MGAM: variants seen among roughly 807,000 people sequenced by gnomAD.
MGAM encodes maltase-glucoamylase, also known as alpha-1,4-glucosidase.
In MGAM, 253 loss-of-function variants were observed where a neutral mutation model predicts 358.8. That is an observed-to-expected ratio of 0.71 (90% confidence interval 0.64 to 0.78). The LOEUF is 0.78. MGAM is among the 30% of genes least tolerant of loss of function. MGAM has a pLI of 0.00. For missense variants in MGAM, 3,080 were observed against 3,432.6 expected (o/e 0.90, Z 2.57); for synonymous variants, 1,105 against 1,227.1 (o/e 0.90, Z 2.08).
Position 142,036,218 on chromosome 7 carries a change from G to A in MGAM, c.2009G>A (p.Cys670Tyr), listed in dbSNP as rs1444380400. 6.2e-7 allele frequency: 1 copy of A among 1,612,570 alleles called. No homozygotes were observed. ...GCTTTGGACACCCCTGAGGAGCTCT[G>A]TAGGCGGTGGATGCAGTTGGGTGCA... ...GFALDTPEELCRRWMQLGAFY... is the reference protein window; with the variant it reads ...GFALDTPEELYRRWMQLGAFY... Residue 670 changes from cysteine (C) to tyrosine (Y), a missense_variant, in exon 17 of 71, where the codon TGT (cysteine) becomes TAT (tyrosine). Coordinates refer to ENST00000475668, the MANE Select transcript of MGAM (RefSeq NM_001365693.1).
In MGAM at chr7:142,094,622, A is replaced by G; in HGVS notation, c.7309A>G (p.Met2437Val). The G allele has an allele frequency of 6.2e-7, 1 of 1,610,130 alleles. No individual in the cohort carries two copies. ...WDQLKKSIIGMMEFSLFGISY... is the reference protein window; with the variant it reads ...WDQLKKSIIGVMEFSLFGISY... ...CACAGCTGTGCTTCTCGTTGCAGGCATGATGGAGTTCAGCCTCTTCGGCAT... is the reference window on the plus strand; with the variant it reads ...CACAGCTGTGCTTCTCGTTGCAGGCGTGATGGAGTTCAGCCTCTTCGGCAT... The change falls in exon 62 of 71, where the codon ATG becomes GTG. Residue 2437 changes from methionine (M) to valine (V), a missense_variant and splice_region_variant. Met to Val is a conservative substitution (Grantham distance 21, BLOSUM62 1). Coordinates refer to ENST00000475668, the MANE Select transcript of MGAM (RefSeq NM_001365693.1).
rs374078813 is a variant in MGAM at position 142,083,336 on chromosome 7, C to T, written c.6304C>T (p.Arg2102Cys). The T allele has an allele frequency of 3.7e-5, 58 of 1,553,812 alleles. 7 individuals are homozygous for T. In the East Asian group the frequency reaches 5.5e-4, roughly 15 times the overall value. ...CCAGCCCCTGCCTGCCTTGACATAC[C>T]GTACCACAGGGGGAGTTCTGGACTT... ...TFQPLPALTY[R>C]TTGGVLDFYV... The change falls in exon 53 of 71, where the codon CGT becomes TGT. Residue 2102 changes from arginine (R) to cysteine (C), a missense_variant. By Grantham distance (180) the Arg-to-Cys change is radical (BLOSUM62 -3). This residue lies in a region of MGAM where 932 missense variants were observed against 1,198.2 expected (regional missense o/e 0.78). Coordinates refer to ENST00000475668, the MANE Select transcript of MGAM (RefSeq NM_001365693.1).
chr7:142,030,196 G>T, intron 10 of MGAM, 166 bp from the exon 11 acceptor site: 82 of 733,296 alleles, frequency 1.1e-4, no homozygotes, highest in African/African-American at 1.3e-4. Flanking sequence ...GTGTGTTTTT[G>T]AAATCAACAT....
Position 142,084,290 on chromosome 7 carries a change from C to G in MGAM, c.6382-229C>G, listed in dbSNP as rs1241126568. Among the ~76,000 whole-genome samples the G allele has an allele frequency of 2.7e-5, 4 of 145,894 alleles. 1 individual carries two copies. Among genetic ancestry groups the G allele is most frequent in the Non-Finnish European group, 6.2e-5 (4 of 64,496 alleles). On this transcript the variant is annotated intron_variant, in intron 53 of 70. Coordinates refer to ENST00000475668, the MANE Select transcript of MGAM (RefSeq NM_001365693.1). ...TCTTAACCAGTTACCTACAGTGTCT[C>G]TAGGAATGGAGTGAAATCAGCTTTT...
At position 142,021,050 on chromosome 7, in the gene MGAM, A is replaced by G; in HGVS notation, c.525A>G (p.Ala175=). ...GSNVDNVLLT[A]EYQTSNRFHF... The stretch of plus-strand genomic sequence containing the variant: ...ATGTTGACAATGTTCTTCTCACAGC[A>G]GAATATCAGACATCTAATCGTTTCC... The change falls in exon 5 of 71, where the codon GCA becomes GCG. Residue 175 remains alanine, a synonymous_variant. Coordinates refer to ENST00000475668, the MANE Select transcript of MGAM (RefSeq NM_001365693.1). The G allele has an allele frequency of 6.2e-7, 1 of 1,612,638 alleles. No homozygotes were observed.
intron 21 of MGAM, among the ~76,000 whole-genome samples, chr7:142,044,611 GATATATA>G (rs1473011094): frequency 2.8e-4 from 33 of 119,816 alleles, no homozygotes; most frequent in African/African-American, 8.9e-4. Context: ...TGTAATATAT[GATATATA>G]ATGTATATTA....
chr7:142,027,509 T>C, intron 9 of MGAM, 101 bp from the exon 10 acceptor site: 1 of 1,290,608 alleles, frequency 7.7e-7, no homozygotes, highest in Non-Finnish European at 1.1e-6. Flanking sequence ...AATCAGTGCA[T>C]TGGGAAATGG....
In MGAM at chr7:142,040,602, C is replaced by A. The variant is rs1358535765; in HGVS notation, c.2374-120C>A. 3.1e-6 allele frequency: 4 copies of A among 1,302,066 alleles called. No individual in the cohort carries two copies. In the South Asian group the frequency reaches 5.6e-5, roughly 18 times the overall value. 80.7% of individuals were successfully genotyped at this position (1,302,066 alleles called of 1,614,324 possible). A position where few individuals can be genotyped will look rare whatever the true frequency, so the allele number is the denominator to read the frequency against. ...TTCCTTCTGTTGTTTGATTGCCTGG[C>A]TAGACCATAATTCAGCTAATTGGAA... On this transcript the variant is annotated intron_variant, in intron 20 of 70. Transcript: ENST00000475668.
upstream of MGAM, among the ~76,000 whole-genome samples, chr7:141,992,342 G>A (rs1353019826): frequency 6.6e-6 from 1 of 152,138 alleles, no homozygotes; most frequent in Non-Finnish European, 1.5e-5. Flanking sequence ...GCCCTGTTCG[G>A]ATCTGGAACT....
intron 14 of MGAM, 83 bp downstream of exon 14, chr7:142,032,992 C>A: frequency 1.0e-5 from 9 of 892,208 alleles, no homozygotes; most frequent in South Asian, 2.1e-5. Flanking sequence ...AAAAATCTGG[C>A]AAGGGAATTT....
rs769794141 is a variant in MGAM at position 142,050,788 on chromosome 7, C to T, written c.2729C>T (p.Pro910Leu). Residue 910 changes from proline to leucine, a missense_variant, in exon 24 of 71, where the codon CCT (proline) becomes CTT (leucine). This residue lies in a region of MGAM where 1,816 missense variants were observed against 1,840.5 expected (regional missense o/e 0.99). Transcript: ENST00000475668. Reference sequence around the variant, plus strand: ...ATTAAAATTCTTGGGACGGAGGAACCTAGCAATGTTACAGTGAAACACAAT... The same window carrying T: ...ATTAAAATTCTTGGGACGGAGGAACTTAGCAATGTTACAGTGAAACACAAT... Reference protein sequence around the residue: ...NEIKILGTEEPSNVTVKHNGV... With the variant: ...NEIKILGTEELSNVTVKHNGV... 1.9e-6 allele frequency: 3 copies of T among 1,613,800 alleles called. No individual in the cohort carries two copies. The highest frequency in any genetic ancestry group is 1.7e-6 in the Non-Finnish European group (2 of 1,179,770).
At chr7:142,061,302 C>G (rs572009583) in intron 34 of MGAM, among the ~76,000 whole-genome samples, 6 of 152,160 alleles carry the variant, frequency 3.9e-5, no homozygotes, top group African/African-American at 1.2e-4. Flanking sequence ...CTCCATCCCC[C>G]ACCCATCCCG....
intron 36 of MGAM, 124 bp from the exon 37 acceptor site, chr7:142,064,260 A>T: frequency 1.4e-6 from 2 of 1,396,206 alleles, no homozygotes; most frequent in Non-Finnish European, 2.0e-6. Flanking sequence ...GTCTCTGGGG[A>T]GATGGAGAGC....
At position 142,055,688 on chromosome 7, in the gene MGAM, C is replaced by A; in HGVS notation, c.3445C>A (p.His1149Asn). 6.2e-7 allele frequency: 1 copy of A among 1,613,956 alleles called. No individual in the cohort carries two copies. The highest frequency in any genetic ancestry group is 1.1e-5 in the South Asian group (1 of 91,066). ...GTCCTATAGGAGAGACTTGGAGTGGCACACTTGGGGGATGTTCTCCCGAGA... is the reference window on the plus strand; with the variant it reads ...GTCCTATAGGAGAGACTTGGAGTGGAACACTTGGGGGATGTTCTCCCGAGA... ...HRSYRRDLEW[H>N]TWGMFSRDQP... The change falls in exon 28 of 71, where the codon CAC becomes AAC. Residue 1149 changes from histidine to asparagine, a missense_variant. By Grantham distance (68) the His-to-Asn change is moderately conservative. This residue lies in a region of MGAM where 1,816 missense variants were observed against 1,840.5 expected (regional missense o/e 0.99). Transcript: ENST00000475668.
At chr7:142,037,045 A>C in intron 18 of MGAM, 68 bp downstream of exon 18, 1 of 1,486,728 alleles carries the variant, frequency 6.7e-7, no homozygotes, top group South Asian at 1.2e-5. Flanking sequence ...ATCATCAAAT[A>C]TCAGAGTGAA....
At position 142,094,375 on chromosome 7, in the gene MGAM, A is replaced by T. The variant is rs76915561; in HGVS notation, c.7184A>T (p.Glu2395Val). 5 of 1,525,560 alleles carry T rather than the reference A, an allele frequency of 3.3e-6. No individual in the cohort carries two copies. Among genetic ancestry groups the T allele is most frequent in the Non-Finnish European group, 4.5e-6 (5 of 1,117,656 alleles). The allele number at this position is 1,525,560 out of a possible 1,614,324, so 94.5% of individuals were successfully genotyped here. The part of the protein sequence containing the change: ...QTRPTYEAVQ[E>V]VTGQRGVVIT... ...TCCCCTCCAACCAGAGCCGTGCAGG[A>T]GGTGACAGGACAGCGAGGGGTCGTC... Residue 2395 changes from glutamate (E) to valine (V), a missense_variant, in exon 61 of 71, where the codon GAG (glutamate) becomes GTG (valine). This residue lies in a region of MGAM where 932 missense variants were observed against 1,198.2 expected (regional missense o/e 0.78). Coordinates refer to ENST00000475668, the MANE Select transcript of MGAM (RefSeq NM_001365693.1).
At chr7:142,039,864 T>G (rs908116576) in intron 19 of MGAM, among the ~76,000 whole-genome samples, 1 of 152,198 alleles carries the variant, frequency 6.6e-6, no homozygotes, top group African/African-American at 2.4e-5. Context: ...CATGTAAAGC[T>G]GGAATGTTTG....
intron 68 of MGAM, among the ~76,000 whole-genome samples, chr7:142,101,917 A>AAAAAG (rs1227329163): frequency 1.9e-4 from 29 of 151,594 alleles, no homozygotes; most frequent in African/African-American, 5.8e-4. Flanking sequence ...TCAAAAAAAA[A>AAAAAG]AAAGAAAGAA....
intron 4 of MGAM, among the ~76,000 whole-genome samples, chr7:142,020,200 C>T (rs1722190154): frequency 6.6e-6 from 1 of 152,114 alleles, no homozygotes; most frequent in Admixed American, 6.6e-5. Flanking sequence ...TGCTCTTGGC[C>T]TGATGGACTG....
Sources: allele counts gnomAD v4.1 joint callset (sites outside exome capture counted in the v4.1 genomes callset), GRCh38; gene constraint gnomAD v4.1.1; regional missense constraint gnomAD v4.1.1; transcripts MANE v1.5; gene names NCBI Gene and HGNC (gene_info 2026-07-23, HGNC 2026-07-21).